Variants in WDR27 observed in about 807,000 individuals in gnomAD.
The protein encoded by WDR27 is WD repeat domain 27.
Under a neutral mutation model 114.4 loss-of-function variants are expected in WDR27, and 100 were observed. That is an observed-to-expected ratio of 0.87 (90% CI 0.74 to 1.03). The LOEUF (loss-of-function observed/expected upper bound fraction) is 1.03. WDR27 is among the 50% of genes least tolerant of loss of function. The probability of loss-of-function intolerance (pLI) is 0.00; values close to 1 mark genes in which losing one functional copy is unlikely to be tolerated. For synonymous variants in WDR27, 449 were observed against 423.1 expected, an observed-to-expected ratio of 1.06 and a Z score of -0.75; for missense variants, 1,129 against 1,092.9, an observed-to-expected ratio of 1.03 and a Z score of -0.47.
At chr6:169,444,393 A>T in the WDR27 span, among the ~76,000 whole-genome samples, 1 of 152,196 alleles carries the variant, frequency 6.6e-6, no homozygotes, top group Non-Finnish European at 1.5e-5. Context: ...AAGGGCATTC[A>T]TCATACAGCC....
intron 2 of WDR27, among the ~76,000 whole-genome samples, chr6:169,685,288 A>C (rs1011091673): frequency 2.6e-5 from 4 of 152,086 alleles, no homozygotes; most frequent in Non-Finnish European, 4.4e-5. Context: ...AGCCAAAAAC[A>C]AACAACAACA....
chr6:169,555,832 A>T (rs922023583), intron 25 of WDR27, among the ~76,000 whole-genome samples: 11 of 152,240 alleles, frequency 7.2e-5, no homozygotes, highest in African/African-American at 2.7e-4. Context: ...ACTTGCAGAG[A>T]TAATGAAGTT....
intron 1 of WDR27, among the ~76,000 whole-genome samples, chr6:169,697,896 ATC>A (rs200702667): frequency 6.6e-6 from 1 of 151,870 alleles, no homozygotes; most frequent in African/African-American, 2.4e-5. Context: ...GCTGTCTTTT[ATC>A]TCTTTGTCTT....
chr6:169,674,862 T>C (rs1379470455), intron 2 of WDR27, among the ~76,000 whole-genome samples: 6 of 151,272 alleles, frequency 4.0e-5, no homozygotes, highest in African/African-American at 1.5e-4. Context: ...TGGGGTGGGG[T>C]TTTATAGGAT....
At chr6:169,593,713 G>A (rs976431441) in intron 23 of WDR27, among the ~76,000 whole-genome samples, 3 of 152,100 alleles carry the variant, frequency 2.0e-5, no homozygotes, top group African/African-American at 7.2e-5. Flanking sequence ...GCTGGGCGTG[G>A]TGGCGGGCGC....
chr6:169,622,331 C>T lies in WDR27; in HGVS notation c.2224-8675G>A, dbSNP rs371102482. On this transcript the variant is annotated intron_variant, in intron 21 of 25. Coordinates refer to ENST00000448612, the MANE Select transcript of WDR27 (RefSeq NM_182552.5). ...GAGGCTGTGTCACGGCACCCATCCC[C>T]AACCTGGGCAAAATAAACTTTCCAG... is the stretch of plus-strand genomic sequence containing the variant. Among the ~76,000 whole-genome samples, 20 of 152,280 alleles carry T rather than the reference C, an allele frequency of 1.3e-4. No homozygotes were observed. The South Asian group carries it at 2.5e-3, about 19-fold the overall frequency.
chr6:169,697,035 G>T (rs1446815644), intron 1 of WDR27, among the ~76,000 whole-genome samples: 6 of 152,228 alleles, frequency 3.9e-5, no homozygotes, highest in Non-Finnish European at 8.8e-5. Flanking sequence ...GCCGAGGCAA[G>T]AGACCGAGGA....
chr6:169,693,485 A>G (rs1420420353), intron 1 of WDR27, among the ~76,000 whole-genome samples: 4 of 152,232 alleles, frequency 2.6e-5, no homozygotes, highest in Non-Finnish European at 4.4e-5. Context: ...CCCACAGCTC[A>G]ATACTAACGC....
intron 1 of WDR27, among the ~76,000 whole-genome samples, chr6:169,694,660 A>T (rs933811469): frequency 9.9e-5 from 15 of 152,220 alleles, no homozygotes; most frequent in African/African-American, 3.4e-4. Context: ...TTAATATGTA[A>T]TTAAACAGTT....
At chr6:169,689,053 T>C (rs943419873) in intron 1 of WDR27, 41 bp from the exon 2 acceptor site, 2 of 1,445,924 alleles carry the variant, frequency 1.4e-6, no homozygotes, top group Non-Finnish European at 1.9e-6. Flanking sequence ...ATAGGTATCA[T>C]ATTTAATACA....
chr6:169,439,335 AT>A, the WDR27 span, among the ~76,000 whole-genome samples: 4 of 152,258 alleles, frequency 2.6e-5, no homozygotes, highest in East Asian at 7.7e-4. Flanking sequence ...AAATAACTAA[AT>A]TTCTTAATCA....
intron 14 of WDR27, among the ~76,000 whole-genome samples, chr6:169,649,487 A>AT (rs1399029307): frequency 6.6e-6 from 1 of 151,692 alleles, no homozygotes; most frequent in Admixed American, 6.6e-5. Flanking sequence ...CCTGCTACAC[A>AT]TTGTCCTGTG....
At chr6:169,426,988 G>A in the WDR27 span, 1 of 151,850 alleles carries the variant, frequency 6.6e-6, no homozygotes, top group Admixed American at 6.6e-5. Context: ...GGGGGGTGGC[G>A]GTTGCATACC....
At chr6:169,460,010 G>C (rs1275988299) in intron 25 of WDR27, among the ~76,000 whole-genome samples, 2 of 152,080 alleles carry the variant, frequency 1.3e-5, no homozygotes, top group African/African-American at 4.8e-5. Context: ...ATTTGAAGGT[G>C]TATGAAAAAA....
intron 23 of WDR27, among the ~76,000 whole-genome samples, chr6:169,599,355 T>G (rs1472716063): frequency 1.3e-5 from 2 of 152,232 alleles, no homozygotes; most frequent in Non-Finnish European, 2.9e-5. Flanking sequence ...ATAATTTAGC[T>G]GAATTGTTCA....
intron 25 of WDR27, among the ~76,000 whole-genome samples, chr6:169,529,199 A>C (rs1055431646): frequency 1.3e-5 from 2 of 151,184 alleles, no homozygotes; most frequent in Non-Finnish European, 2.9e-5. Flanking sequence ...TTGCACTAGA[A>C]TCTCATTTCA....
At chr6:169,500,344 G>A (rs577953608) in intron 25 of WDR27, among the ~76,000 whole-genome samples, 1 of 152,272 alleles carries the variant, frequency 6.6e-6, no homozygotes, top group South Asian at 2.1e-4. Context: ...AGCCAGGGCA[G>A]CCCCTGGCCT....
intron 2 of WDR27, among the ~76,000 whole-genome samples, chr6:169,683,656 T>C (rs909344798): frequency 2.0e-5 from 3 of 152,278 alleles, no homozygotes; most frequent in South Asian, 2.1e-4. Context: ...GAGAGCAGCA[T>C]AGAGGTACCT....
intron 16 of WDR27, among the ~76,000 whole-genome samples, chr6:169,644,211 G>A (rs1240530368): frequency 6.8e-6 from 1 of 147,112 alleles, no homozygotes; most frequent in Non-Finnish European, 1.5e-5. Flanking sequence ...GTTCACAGGA[G>A]TCACACTGTT....
Sources: gnomAD v4.1 joint callset for allele counts (sites outside exome capture counted in the v4.1 genomes callset) on GRCh38, gnomAD v4.1.1 for gene constraint, MANE v1.5 for transcripts, NCBI Gene and HGNC (gene_info 2026-07-23, HGNC 2026-07-21) for gene names.